SLC24A5: variants seen among roughly 807,000 people sequenced by gnomAD.
SLC24A5 encodes the protein solute carrier family 24 member 5.
Under a neutral mutation model 51.6 loss-of-function variants are expected in SLC24A5, and 46 were observed. The observed-to-expected ratio is 0.89, with a 90% CI of 0.70 to 1.14. The LOEUF is 1.14. Ranked by LOEUF, SLC24A5 falls within the 50% of genes most tolerant of loss-of-function variation. SLC24A5 has a pLI of 0.00. For synonymous variants in SLC24A5, 230 were observed against 214.9 expected (o/e 1.07, Z -0.62); for missense variants, 581 against 604.1 (o/e 0.96, Z 0.40).
intron 7 of SLC24A5, chr15:48,139,517 A>G (rs1039015736): frequency 1.3e-5 from 2 of 157,620 alleles, no homozygotes; most frequent in African/African-American, 5.6e-5. Flanking sequence ...ATTCCATTCC[A>G]TAATAAAAAA....
chr15:48,126,213 A>G (rs1215585118), intron 2 of SLC24A5, among the ~76,000 whole-genome samples: 1 of 151,800 alleles, frequency 6.6e-6, no homozygotes, highest in Non-Finnish European at 1.5e-5. Context: ...CCTCTCCTCT[A>G]CCCTCGAACA....
intron 7 of SLC24A5, 59 bp downstream of exon 7, chr15:48,139,234 T>G: frequency 7.0e-7 from 1 of 1,422,818 alleles, no homozygotes; most frequent in South Asian, 1.2e-5. Flanking sequence ...ACAAATTGCA[T>G]ATGTTCACTC....
At chr15:48,138,229 C>T (rs2038950270) in intron 6 of SLC24A5, 1 of 151,964 alleles carries the variant, frequency 6.6e-6, no homozygotes, top group South Asian at 2.1e-4. Flanking sequence ...ATGATTTCAT[C>T]CAATTGTTAC....
At chr15:48,137,655 C>T (rs1289510304) in intron 6 of SLC24A5, 3 of 151,938 alleles carry the variant, frequency 2.0e-5, no homozygotes, top group Non-Finnish European at 4.4e-5. Flanking sequence ...AGATGTGAGA[C>T]TATATGAAGG....
In SLC24A5 at chr15:48,132,523, A is replaced by G. The variant is rs189704480; in HGVS notation, c.302-1735A>G. 7.2e-4 allele frequency among the ~76,000 whole-genome samples: 109 copies of G among 152,288 alleles called. 2 individuals are homozygous for G. Among genetic ancestry groups the G allele is most frequent in the Admixed American group, 3.1e-3 (48 of 15,262 alleles). On this transcript the variant is annotated intron_variant, in intron 2 of 8. Transcript: ENST00000341459. ...ATAGTAAGTACTCAATAAATACAAC[A>G]AATAAATGAACCACCAGATGACTTA...
At chr15:48,129,156 T>A (rs545742029) in intron 2 of SLC24A5, among the ~76,000 whole-genome samples, 78 of 152,218 alleles carry the variant, frequency 5.1e-4, no homozygotes, top group African/African-American at 1.8e-3. Context: ...TTAAAAGCAT[T>A]ACAGGTTTCA....
intron 2 of SLC24A5, among the ~76,000 whole-genome samples, chr15:48,127,853 A>T (rs2038748024): frequency 6.6e-6 from 1 of 151,950 alleles, no homozygotes; most frequent in Admixed American, 6.6e-5. Context: ...AATTAAAATT[A>T]AAAAATATTC....
intron 2 of SLC24A5, among the ~76,000 whole-genome samples, chr15:48,125,590 T>C (rs2038723138): frequency 6.6e-6 from 1 of 152,102 alleles, no homozygotes. Flanking sequence ...GCACTGAAAA[T>C]TTTGACAAAA....
At chr15:48,124,503 G>C (rs2038711296) in intron 2 of SLC24A5, 1 of 151,976 alleles carries the variant, frequency 6.6e-6, no homozygotes, top group Non-Finnish European at 1.5e-5. Context: ...AATTTAAATT[G>C]TAAGGAATAA....
At chr15:48,121,815 G>A in intron 1 of SLC24A5, 42 bp from the exon 2 acceptor site, 9 of 1,595,132 alleles carry the variant, frequency 5.6e-6, no homozygotes, top group Non-Finnish European at 7.7e-6. Flanking sequence ...TGGAATGTGT[G>A]ACTCCAAACT....
In SLC24A5 at chr15:48,134,340, A is replaced by G; in HGVS notation, c.384A>G (p.Leu128=). ...SSAPELVTAF[L]GVFITKGDIG... is the part of the protein sequence containing the mutation. ...CTCCTGAATTAGTTACTGCTTTCCT[A>G]GGTAAATATTGCTCCTTATACTTCT... The change falls in exon 3 of 9, where the codon CTA becomes CTG. Residue 128 remains leucine, a splice_region_variant and synonymous_variant. Transcript: ENST00000341459. The G allele has an allele frequency of 6.2e-7, 1 of 1,613,460 alleles. No homozygotes were observed. The highest frequency in any genetic ancestry group is 8.5e-7 in the Non-Finnish European group (1 of 1,179,552).
At chr15:48,134,847 T>C (rs762693511) in intron 4 of SLC24A5, 37 bp from the exon 5 acceptor site, 2 of 1,459,798 alleles carry the variant, frequency 1.4e-6, no homozygotes, top group Non-Finnish European at 1.9e-6. Context: ...TTGAAGAAGT[T>C]ACAATGTAAT....
Position 48,121,970 on chromosome 15 carries a change from A to G in SLC24A5, c.235A>G (p.Met79Val), listed in dbSNP as rs2038683286. ...AATCTATTTCCTAATTATCGTTTAC[A>G]TGTTCATGGCCATATCTATTGTCTG... ...IIIYFLIIVY[M>V]FMAISIVCDE... Residue 79 changes from methionine to valine, a missense_variant, in exon 2 of 9, where the codon ATG (methionine) becomes GTG (valine). Physicochemically the swap from Met to Val is conservative, Grantham distance 21 (BLOSUM62 1). Transcript: ENST00000341459. 6.2e-7 allele frequency: 1 copy of G among 1,614,182 alleles called. No individual in the cohort carries two copies. Among genetic ancestry groups the G allele is most frequent in the Non-Finnish European group, 8.5e-7 (1 of 1,180,000 alleles).
Position 48,134,304 on chromosome 15 carries a change from G to C in SLC24A5, c.348G>C (p.Ala116=), listed in dbSNP as rs749544443. 1.2e-6 allele frequency: 2 copies of C among 1,613,414 alleles called. No homozygotes were observed. Among genetic ancestry groups the C allele is most frequent in the Non-Finnish European group, 1.7e-6 (2 of 1,179,634 alleles). The change falls in exon 3 of 9, where the codon GCG becomes GCC. Residue 116 remains alanine, a synonymous_variant. Transcript: ENST00000341459. ...QDVAGTTFMA[A]GSSAPELVTA... ...TTGCAGGCACAACTTTCATGGCAGC[G>C]GGCAGTTCAGCTCCTGAATTAGTTA...
At chr15:48,140,648 A>G (rs891011343) in intron 7 of SLC24A5, 5 of 151,892 alleles carry the variant, frequency 3.3e-5, no homozygotes, top group African/African-American at 1.2e-4. Flanking sequence ...AAATTAAGGT[A>G]TATCACTAAA....
intron 7 of SLC24A5, 141 bp downstream of exon 7, chr15:48,139,316 A>G (rs2038983586): frequency 1.6e-6 from 1 of 627,352 alleles, no homozygotes; most frequent in Non-Finnish European, 2.7e-6. Context: ...AAAATGATTA[A>G]GTATTACTAT....
chr15:48,122,167 G>A, intron 2 of SLC24A5, 131 bp downstream of exon 2: 3 of 939,918 alleles, frequency 3.2e-6, no homozygotes, highest in South Asian at 2.6e-5. Flanking sequence ...CTTGTTGTGG[G>A]GTCCCGTGTC....
chr15:48,139,414 C>T (rs1457070871), intron 7 of SLC24A5: 1 of 317,470 alleles, frequency 3.1e-6, no homozygotes. Context: ...TTCAAGAGAT[C>T]TTATAAATGA....
Position 48,141,110 on chromosome 15 carries a change from C to T in SLC24A5, c.1079-3C>T, listed in dbSNP as rs1567232833. 6.2e-7 allele frequency: 1 copy of T among 1,606,764 alleles called. No individual in the cohort carries two copies. The highest frequency in any genetic ancestry group is 8.5e-7 in the Non-Finnish European group (1 of 1,173,974). ...TGTAACTTGAAATATCTGTTTATTA[C>T]AGGGGAAACACTAGAAATTCCCGAT... On this transcript the variant is annotated splice_region_variant and splice_polypyrimidine_tract_variant and intron_variant, in intron 7 of 8. Transcript: ENST00000341459.
Sources: allele counts gnomAD v4.1 joint callset (sites outside exome capture counted in the v4.1 genomes callset), GRCh38; gene constraint gnomAD v4.1.1; transcripts MANE v1.5; gene names NCBI Gene and HGNC (gene_info 2026-07-23, HGNC 2026-07-21).